IARS1: variants seen among roughly 807,000 people sequenced by gnomAD.
IARS1 encodes isoleucyl-tRNA synthetase 1.
A neutral mutation model predicts 168.2 loss-of-function variants in IARS1; 124 were observed. The observed-to-expected ratio is 0.74, with a 90% CI of 0.64 to 0.86. IARS1 has a LOEUF of 0.86. Among genes scored for constraint, IARS1 ranks in the 40% least tolerant of loss-of-function variants. The pLI, the probability that IARS1 is intolerant of heterozygous loss-of-function variation, is 0.00. For missense variants in IARS1, 1,452 were observed against 1,515.8 expected, an observed-to-expected ratio of 0.96 and a Z score of 0.70; for synonymous variants, 532 against 529.4, an observed-to-expected ratio of 1.00 and a Z score of -0.07.
At chr9:92,256,902 T>C in intron 19 of IARS1, 102 bp from the exon 20 acceptor site, 2 of 1,110,730 alleles carry the variant, frequency 1.8e-6, no homozygotes, top group South Asian at 1.9e-5. Flanking sequence ...AAAGAAAAAA[T>C]CCCAGACCCT....
chr9:92,216,957 T>C (rs1423975560), intron 33 of IARS1, among the ~76,000 whole-genome samples: 55 of 150,816 alleles, frequency 3.6e-4, no homozygotes, highest in Admixed American at 1.1e-3. Flanking sequence ...CACCCCAAAT[T>C]AACAGAATAT....
intron 26 of IARS1, among the ~76,000 whole-genome samples, chr9:92,245,727 A>G (rs555106022): frequency 2.9e-4 from 44 of 151,554 alleles, no homozygotes; most frequent in African/African-American, 1.1e-3. Context: ...CAGTACGCTC[A>G]GAAACTAGGC....
At chr9:92,270,058 G>A (rs754230122) in intron 12 of IARS1, 75 bp from the exon 13 acceptor site, 45 of 875,572 alleles carry the variant, frequency 5.1e-5, no homozygotes, top group Admixed American at 8.9e-5. Context: ...GACTTTTCAT[G>A]TCTTATTGAC....
rs1162008874 is a variant in IARS1, at chr9:92,282,562, G to T, written c.598-1669C>A. ...AAGGCAGGAGGATCGCACAAGCTCTGGAGTTTGAGACCAGCTGGGGCAATA... is the reference window on the plus strand; with the variant it reads ...AAGGCAGGAGGATCGCACAAGCTCTTGAGTTTGAGACCAGCTGGGGCAATA... On this transcript the variant is annotated intron_variant, in intron 6 of 33. Transcript: ENST00000443024. 3.3e-5 allele frequency among the ~76,000 whole-genome samples: 5 copies of T among 151,986 alleles called. No homozygotes were observed. In the East Asian group the frequency reaches 9.7e-4, roughly 29 times the overall value.
intron 11 of IARS1, among the ~76,000 whole-genome samples, chr9:92,271,277 A>C (rs1037334018): frequency 1.3e-5 from 2 of 152,208 alleles, no homozygotes; most frequent in African/African-American, 4.8e-5. Context: ...CTGAAATGAC[A>C]ACCCCAAGGT....
rs1839931781 is a variant in IARS1 at position 92,223,338 on chromosome 9, G to A, written c.3553+8C>T. On this transcript the variant is annotated splice_region_variant and intron_variant, in intron 32 of 33. Transcript: ENST00000443024. ...CCCACAGTCTGCCTGCTGTGGGGAG[G>A]CACATACCTTGTGGCTTTGCATTCA... 3.1e-6 allele frequency: 5 copies of A among 1,607,044 alleles called. No individual in the cohort carries two copies. Among genetic ancestry groups the A allele is most frequent in the Admixed American group, 1.7e-5 (1 of 59,590 alleles).
intron 28 of IARS1, chr9:92,242,609 C>T: frequency 5.2e-6 from 2 of 381,534 alleles, no homozygotes; most frequent in East Asian, 5.1e-5. Context: ...TTAGAACCCA[C>T]TTACAAAGCT....
At chr9:92,248,877 AAAG>A (rs1256029913) in intron 25 of IARS1, among the ~76,000 whole-genome samples, 1 of 152,134 alleles carries the variant, frequency 6.6e-6, no homozygotes, top group Non-Finnish European at 1.5e-5. Context: ...CTATCATCAC[AAAG>A]AAGATGAGGT....
At chr9:92,216,415 C>T (rs1318005690) in intron 33 of IARS1, among the ~76,000 whole-genome samples, 1 of 147,834 alleles carries the variant, frequency 6.8e-6, no homozygotes, top group African/African-American at 2.5e-5. Context: ...CAAATTCACA[C>T]ATAACAATAT....
intron 4 of IARS1, among the ~76,000 whole-genome samples, chr9:92,287,116 G>A (rs1835582961): frequency 6.6e-6 from 1 of 152,196 alleles, no homozygotes; most frequent in Non-Finnish European, 1.5e-5. Context: ...ATAATGCATT[G>A]AGAAGGGCAT....
chr9:92,271,916 T>C (rs3824424), intron 10 of IARS1, among the ~76,000 whole-genome samples: 17,726 of 152,172 alleles, frequency 0.12, 1,091 homozygotes, highest in Middle Eastern at 0.15. Context: ...AATGAGAAGA[T>C]AGATGACATA....
At position 92,267,470 on chromosome 9, in the gene IARS1, T is replaced by C. The variant is rs942421847; in HGVS notation, c.1431+704A>G. 3.9e-5 allele frequency among the ~76,000 whole-genome samples: 6 copies of C among 152,186 alleles called. No homozygotes were observed. In the East Asian group the frequency reaches 5.8e-4, roughly 15 times the overall value. On this transcript the variant is annotated intron_variant, in intron 14 of 33. Coordinates refer to ENST00000443024, the MANE Select transcript of IARS1 (RefSeq NM_002161.6). ...TATAGTAAGTCCTCGCCTGATGTCA[T>C]TGAGAGGTCCCAGTAGCTGGAACTA...
rs1832953863 is a variant in IARS1 at position 92,271,028 on chromosome 9, G to A, written c.1162C>T (p.Leu388=). ...IRTLKEQGRL[L]VATTFTHSYP... Reference sequence around the variant, plus strand: ...CTGTGAGTGAAGGTGGTGGCAACCAGAAGTCGGCCTTGTTCCTTCAAAGTC... The same window carrying A: ...CTGTGAGTGAAGGTGGTGGCAACCAAAAGTCGGCCTTGTTCCTTCAAAGTC... The change falls in exon 12 of 34, where the codon CTG becomes TTG. Residue 388 remains leucine, a synonymous_variant. Coordinates refer to ENST00000443024, the MANE Select transcript of IARS1 (RefSeq NM_002161.6). 5.6e-6 allele frequency: 9 copies of A among 1,612,054 alleles called. No individual in the cohort carries two copies. Among genetic ancestry groups the A allele is most frequent in the Non-Finnish European group, 7.6e-6 (9 of 1,179,046 alleles).
chr9:92,257,064 T>C (rs1830833984), intron 19 of IARS1, among the ~76,000 whole-genome samples: 1 of 152,214 alleles, frequency 6.6e-6, no homozygotes, highest in African/African-American at 2.4e-5. Flanking sequence ...TAATTATGAA[T>C]TGAAAGATAT....
chr9:92,232,161 TTAA>T (rs59735165), intron 30 of IARS1, among the ~76,000 whole-genome samples: 40,204 of 152,046 alleles, frequency 0.26, 6,584 homozygotes, highest in African/African-American at 0.45. Context: ...GAGAAATAAC[TTAA>T]TGATAGCTAG....
At chr9:92,216,927 T>C (rs1416910719) in intron 33 of IARS1, among the ~76,000 whole-genome samples, 2 of 151,212 alleles carry the variant, frequency 1.3e-5, no homozygotes, top group African/African-American at 4.8e-5. Context: ...GCGGACCTAG[T>C]AGACATCTAC....
At chr9:92,221,281 GA>G (rs797013014) in intron 33 of IARS1, among the ~76,000 whole-genome samples, 22 of 151,124 alleles carry the variant, frequency 1.5e-4, no homozygotes, top group African/African-American at 5.1e-4. Flanking sequence ...GAGAATACCA[GA>G]GAGAATGAAT....
intron 12 of IARS1, among the ~76,000 whole-genome samples, chr9:92,270,538 T>C (rs1164308907): frequency 6.6e-6 from 1 of 152,210 alleles, no homozygotes; most frequent in Non-Finnish European, 1.5e-5. Flanking sequence ...CTCATGCCTG[T>C]AATCTCAGCA....
intron 13 of IARS1, 103 bp from the exon 14 acceptor site, chr9:92,268,403 C>G: frequency 8.5e-7 from 1 of 1,174,926 alleles, no homozygotes; most frequent in Non-Finnish European, 1.2e-6. Context: ...GTGGACCAAA[C>G]ACTCTGGAAA....
Sources: gnomAD v4.1 joint callset for allele counts (sites outside exome capture counted in the v4.1 genomes callset) on GRCh38, gnomAD v4.1.1 for gene constraint, MANE v1.5 for transcripts, NCBI Gene and HGNC (gene_info 2026-07-23, HGNC 2026-07-21) for gene names.